CDK5RAP2: variants seen among roughly 807,000 people sequenced by gnomAD.
The protein encoded by CDK5RAP2 is CDK5 regulatory subunit associated protein 2, also known as CDK5 regulatory subunit-associated protein 2.
CDK5RAP2 carries 147 observed loss-of-function variants against 232.9 expected under a neutral mutation model. The ratio of observed to expected loss-of-function variants is 0.63; its 90% CI spans 0.55 to 0.72. The LOEUF (loss-of-function observed/expected upper bound fraction) is 0.72. Ranked by LOEUF, CDK5RAP2 falls within the 30% of genes least tolerant of loss-of-function variation. The probability of loss-of-function intolerance (pLI) is 0.00; values close to 1 mark genes in which losing one functional copy is unlikely to be tolerated. For synonymous variants in CDK5RAP2, 833 were observed against 833.7 expected, an observed-to-expected ratio of 1.00 and a Z score of 0.01; for missense variants, 2,195 against 2,231.5, an observed-to-expected ratio of 0.98 and a Z score of 0.33.
intron 25 of CDK5RAP2, among the ~76,000 whole-genome samples, chr9:120,433,052 G>A (rs1477362867): frequency 6.6e-6 from 1 of 152,200 alleles, no homozygotes; most frequent in African/African-American, 2.4e-5. Flanking sequence ...ACCGGTATTA[G>A]CAAAACCAGT....
At chr9:120,459,192 G>C (rs1003884837) in intron 19 of CDK5RAP2, among the ~76,000 whole-genome samples, 1 of 152,146 alleles carries the variant, frequency 6.6e-6, no homozygotes, top group Non-Finnish European at 1.5e-5. Context: ...AAGATAGAGA[G>C]TTCCTAATTC....
chr9:120,393,519 G>A (rs2032186426), intron 36 of CDK5RAP2, among the ~76,000 whole-genome samples: 1 of 152,236 alleles, frequency 6.6e-6, no homozygotes, highest in Non-Finnish European at 1.5e-5. Flanking sequence ...CACAAGGCAG[G>A]CTGGCACCTC....
chr9:120,465,867 A>G (rs2037351772), intron 18 of CDK5RAP2, among the ~76,000 whole-genome samples: 1 of 152,224 alleles, frequency 6.6e-6, no homozygotes, highest in Non-Finnish European at 1.5e-5. Flanking sequence ...GCTATGACAT[A>G]ATGGCAATTA....
intron 30 of CDK5RAP2, 116 bp from the exon 31 acceptor site, chr9:120,408,584 G>C: frequency 2.7e-6 from 3 of 1,128,590 alleles, no homozygotes; most frequent in Non-Finnish European, 3.9e-6. Flanking sequence ...GGACCAAGAA[G>C]TGACAAGCAT....
At chr9:120,563,799 C>G (rs1339022201) in intron 3 of CDK5RAP2, among the ~76,000 whole-genome samples, 1 of 152,178 alleles carries the variant, frequency 6.6e-6, no homozygotes, top group Admixed American at 6.5e-5. Context: ...AAGTAACTCA[C>G]AAACATATTA....
intron 12 of CDK5RAP2, among the ~76,000 whole-genome samples, chr9:120,516,078 T>G (rs1300869561): frequency 6.6e-6 from 1 of 152,118 alleles, no homozygotes; most frequent in East Asian, 1.9e-4. Flanking sequence ...TATGTTTATT[T>G]CGGCACTATT....
At chr9:120,528,879 T>C (rs1378105733) in intron 8 of CDK5RAP2, 82 bp from the exon 9 acceptor site, 2 of 960,076 alleles carry the variant, frequency 2.1e-6, no homozygotes, top group Admixed American at 1.8e-5. Flanking sequence ...AGCACGTCCT[T>C]GTCGCTTACT....
At chr9:120,455,009 A>G (rs2036679076) in intron 20 of CDK5RAP2, among the ~76,000 whole-genome samples, 1 of 152,168 alleles carries the variant, frequency 6.6e-6, no homozygotes, top group Admixed American at 6.5e-5. Context: ...AGCATGTAAA[A>G]CACCTGGAAT....
At chr9:120,402,743 C>G in intron 34 of CDK5RAP2, 63 bp downstream of exon 34, 1 of 1,596,310 alleles carries the variant, frequency 6.3e-7, no homozygotes. Flanking sequence ...TTTGACTCCC[C>G]TCCCCCTTCC....
chr9:120,427,933 G>T lies in CDK5RAP2; in HGVS notation c.3956-5192C>A, dbSNP rs554306475. On this transcript the variant is annotated intron_variant, in intron 25 of 37. Coordinates refer to ENST00000349780, the MANE Select transcript of CDK5RAP2 (RefSeq NM_018249.6). ...CTCAGACCACAGTGAAATCAAACTA[G>T]AACTCAGGATTAAGAAACTCACTCA... Among the ~76,000 whole-genome samples, 334 of 152,198 alleles carry T rather than the reference G, an allele frequency of 2.2e-3. 2 individuals carry two copies. The highest frequency in any genetic ancestry group is 7.7e-3 in the African/African-American group (318 of 41,510).
chr9:120,561,604 T>A (rs1307123044), intron 3 of CDK5RAP2, among the ~76,000 whole-genome samples: 1 of 152,178 alleles, frequency 6.6e-6, no homozygotes, highest in South Asian at 2.1e-4. Flanking sequence ...CCAGCCTCAA[T>A]AACAGAAATT....
Position 120,403,078 on chromosome 9 carries a change from A to C in CDK5RAP2, c.5042-7T>G. 1 of 1,613,954 alleles carries C rather than the reference A, an allele frequency of 6.2e-7. No individual in the cohort carries two copies. The highest frequency in any genetic ancestry group is 1.3e-5 in the African/African-American group (1 of 75,036). On this transcript the variant is annotated splice_polypyrimidine_tract_variant and splice_region_variant and intron_variant, in intron 33 of 37. Coordinates refer to ENST00000349780, the MANE Select transcript of CDK5RAP2 (RefSeq NM_018249.6). This position sits in a 1 kb window ranked among gnomAD's most constrained non-coding sequence, Gnocchi z 4.2. ...AGTGGAGGAGTCTCTGAAACTGTAA[A>C]ATGAGAAGTAGGATGTAAAATCTGT...
At chr9:120,555,942 C>G (rs1442236163) in intron 3 of CDK5RAP2, among the ~76,000 whole-genome samples, 1 of 152,168 alleles carries the variant, frequency 6.6e-6, no homozygotes, top group Non-Finnish European at 1.5e-5. Context: ...GAAAAGATTA[C>G]ATACTGTATG....
Position 120,400,847 on chromosome 9 carries a change from A to G in CDK5RAP2, c.5346T>C (p.Ser1782=). 1 of 1,614,144 alleles carries G rather than the reference A, an allele frequency of 6.2e-7. No individual in the cohort carries two copies. The highest frequency in any genetic ancestry group is 8.5e-7 in the Non-Finnish European group (1 of 1,180,012). ...HPAPLSKFVS[S]VSTAKLTLEE... ...CCAGGGTCAGCTTGGCCGTGCTCAC[A>G]CTGCTCACAAACTTGCTCAGTGGTG... Residue 1782 remains serine (S), a synonymous_variant, in exon 35 of 38, where the codon AGT becomes AGC. Coordinates refer to ENST00000349780, the MANE Select transcript of CDK5RAP2 (RefSeq NM_018249.6).
intron 18 of CDK5RAP2, among the ~76,000 whole-genome samples, chr9:120,465,487 T>C (rs1281580142): frequency 1.3e-5 from 2 of 152,156 alleles, no homozygotes; most frequent in African/African-American, 2.4e-5. Flanking sequence ...AGCACCGTGG[T>C]ACCCAGCTGG....
chr9:120,517,095 C>G (rs2040371426), intron 12 of CDK5RAP2, among the ~76,000 whole-genome samples: 1 of 152,126 alleles, frequency 6.6e-6, no homozygotes, highest in Non-Finnish European at 1.5e-5. Context: ...ACTAAGTGAT[C>G]AAAGACAGAA....
intron 25 of CDK5RAP2, 92 bp downstream of exon 25, chr9:120,437,203 T>G: frequency 1.1e-6 from 1 of 893,952 alleles, no homozygotes; most frequent in Non-Finnish European, 1.8e-6. Flanking sequence ...GAAAGATAAC[T>G]AAGGCCAAGG....
rs1295510967 is a variant in CDK5RAP2, at chr9:120,388,915, G to A, written c.*321C>T. The A allele has an allele frequency of 2.4e-6, 1 of 423,820 alleles. No homozygotes were observed. Among genetic ancestry groups the A allele is most frequent in the Non-Finnish European group, 4.2e-6 (1 of 237,988 alleles). The allele number at this position is 423,820 out of a possible 1,614,324, so 26.3% of individuals were successfully genotyped here. On this transcript the variant is annotated 3_prime_UTR_variant, in exon 38 of 38. Transcript: ENST00000349780. ...CATTTAATGAGAATCTTCAAACTGT[G>A]GCACTGGCTGAGTACTAAGCAAATC... is the stretch of plus-strand genomic sequence containing the variant.
intron 36 of CDK5RAP2, among the ~76,000 whole-genome samples, chr9:120,392,583 T>C (rs1280399844): frequency 6.6e-6 from 1 of 152,222 alleles, no homozygotes; most frequent in Non-Finnish European, 1.5e-5. Flanking sequence ...GAGTTCTGCC[T>C]TTCTCTAGAC....
Sources: allele counts gnomAD v4.1 joint callset (sites outside exome capture counted in the v4.1 genomes callset), GRCh38; gene constraint gnomAD v4.1.1; non-coding constraint Gnocchi (gnomAD v3.1); transcripts MANE v1.5; gene names NCBI Gene and HGNC (gene_info 2026-07-23, HGNC 2026-07-21).